PLXDC2: variants seen among roughly 807,000 people sequenced by gnomAD.
PLXDC2 encodes plexin domain-containing protein 2.
Under a neutral mutation model 68.9 loss-of-function variants are expected in PLXDC2, and 40 were observed. The observed-to-expected ratio is 0.58, with a 90% confidence interval of 0.45 to 0.76. PLXDC2 has a LOEUF of 0.76. Among genes scored for constraint, PLXDC2 ranks in the 30% least tolerant of loss-of-function variants. The pLI, the probability that PLXDC2 is intolerant of heterozygous loss-of-function variation, is 0.00. For synonymous variants in PLXDC2, 243 were observed against 234.2 expected (o/e 1.04, Z -0.34); for missense variants, 644 against 661.9 (o/e 0.97, Z 0.30).
chr10:20,210,650 C>T (rs191143792), intron 9 of PLXDC2, among the ~76,000 whole-genome samples: 174 of 152,204 alleles, frequency 1.1e-3, no homozygotes, highest in Middle Eastern at 3.4e-3. Flanking sequence ...TAGAAAGACT[C>T]GCAGAACTCA....
At chr10:20,244,155 A>G (rs1347651209) in intron 12 of PLXDC2, among the ~76,000 whole-genome samples, 1 of 152,148 alleles carries the variant, frequency 6.6e-6, no homozygotes, top group Non-Finnish European at 1.5e-5. Flanking sequence ...AAATTATGTC[A>G]TGATTCAGAA....
At position 20,217,356 on chromosome 10, in the gene PLXDC2, T is replaced by C; in HGVS notation, c.1123-70T>C. The C allele has an allele frequency of 2.9e-6, 4 of 1,402,806 alleles. 1 individual carries two copies. The South Asian group carries it at 4.6e-5, about 16-fold the overall frequency. The allele number at this position is 1,402,806 out of a possible 1,614,324, so 86.9% of individuals were successfully genotyped here. On this transcript the variant is annotated intron_variant, in intron 10 of 13. Coordinates refer to ENST00000377252, the MANE Select transcript of PLXDC2 (RefSeq NM_032812.9). ...GGCTTTTGTGCTTTACAGCCCAGCT[T>C]CTTTGATGTAAGTTCTAAAAATAGA...
At chr10:20,040,952 C>G (rs78072751) in intron 2 of PLXDC2, among the ~76,000 whole-genome samples, 2,696 of 152,242 alleles carry the variant, frequency 0.018, 76 homozygotes, top group African/African-American at 0.061. Flanking sequence ...CAGTTGCCTG[C>G]TATGAAACAT....
chr10:19,910,891 T>C (rs1833258403), intron 1 of PLXDC2, among the ~76,000 whole-genome samples: 1 of 152,008 alleles, frequency 6.6e-6, no homozygotes, highest in Non-Finnish European at 1.5e-5. Context: ...GTGCCTGTAA[T>C]CCCAGTTACT....
At chr10:19,967,509 C>T (rs1051416920) in intron 1 of PLXDC2, among the ~76,000 whole-genome samples, 1 of 151,812 alleles carries the variant, frequency 6.6e-6, no homozygotes, top group Admixed American at 6.6e-5. Flanking sequence ...ACCTAATCTT[C>T]GAACTAGAAA....
At chr10:20,181,767 A>G (rs1312506894) in intron 9 of PLXDC2, among the ~76,000 whole-genome samples, 1 of 152,036 alleles carries the variant, frequency 6.6e-6, no homozygotes, top group East Asian at 1.9e-4. Flanking sequence ...ATGACTCTGT[A>G]AGCTAGGGAG....
chr10:20,173,977 T>C (rs958712663), intron 7 of PLXDC2, among the ~76,000 whole-genome samples: 4 of 152,146 alleles, frequency 2.6e-5, no homozygotes, highest in African/African-American at 9.6e-5. Flanking sequence ...GTAATAGAAC[T>C]AGCATAGCAA....
intron 3 of PLXDC2, among the ~76,000 whole-genome samples, chr10:20,062,469 T>C (rs1836124304): frequency 2.6e-5 from 4 of 151,918 alleles, no homozygotes; most frequent in Admixed American, 2.0e-4. Flanking sequence ...ATTAAAAAGG[T>C]TAAATAATGT....
intron 5 of PLXDC2, among the ~76,000 whole-genome samples, chr10:20,146,518 T>TCCTTCCTTCCTCCCTC (rs1217081598): frequency 2.1e-4 from 24 of 115,696 alleles, no homozygotes; most frequent in South Asian, 1.5e-3. Context: ...CTTCCTTCCT[T>TCCTTCCTTCCTCCCTC]CCTCCCTCCC....
At chr10:20,224,555 G>A (rs1251221837) in intron 12 of PLXDC2, among the ~76,000 whole-genome samples, 1 of 152,160 alleles carries the variant, frequency 6.6e-6, no homozygotes, top group African/African-American at 2.4e-5. Flanking sequence ...ACTGGATAAA[G>A]TTATACCCAG....
At chr10:20,217,230 A>G (rs1056684218) in intron 10 of PLXDC2, among the ~76,000 whole-genome samples, 196 bp from the exon 11 acceptor site, 1 of 152,194 alleles carries the variant, frequency 6.6e-6, no homozygotes, top group Non-Finnish European at 1.5e-5. Context: ...GCCTTGTTCC[A>G]TCCATCTTTT....
At chr10:19,869,465 G>GA (rs1227034209) in intron 1 of PLXDC2, among the ~76,000 whole-genome samples, 1 of 46,512 alleles carries the variant, frequency 2.1e-5, no homozygotes, top group Non-Finnish European at 3.8e-5. Context: ...GAGAGAGAGA[G>GA]AAAGGGGGGG....
At chr10:20,210,866 C>T (rs1306865641) in intron 9 of PLXDC2, among the ~76,000 whole-genome samples, 2 of 152,118 alleles carry the variant, frequency 1.3e-5, no homozygotes, top group African/African-American at 2.4e-5. Context: ...AGGAAGCTCA[C>T]CCAAGCTTGG....
At chr10:20,057,920 A>G (rs939862339) in intron 3 of PLXDC2, among the ~76,000 whole-genome samples, 1 of 135,706 alleles carries the variant, frequency 7.4e-6, no homozygotes, top group African/African-American at 3.3e-5. Flanking sequence ...ACGAATCTGC[A>G]TTAAAAAAAA....
rs183229785 is a variant in PLXDC2 at position 19,923,210 on chromosome 10, T to C, written c.113-78565T>C. 4.6e-5 allele frequency among the ~76,000 whole-genome samples: 7 copies of C among 152,328 alleles called. No homozygotes were observed. The East Asian group carries it at 1.3e-3, about 29-fold the overall frequency. The stretch of plus-strand genomic sequence containing the variant: ...AAAAAGAATGAGGTTTTATGTATTT[T>C]TGAGATTTGCTTTATTGACAATCCA... On this transcript the variant is annotated intron_variant, in intron 1 of 13. Coordinates refer to ENST00000377252, the MANE Select transcript of PLXDC2 (RefSeq NM_032812.9).
intron 1 of PLXDC2, among the ~76,000 whole-genome samples, chr10:19,887,561 C>T (rs930657632): frequency 2.6e-5 from 4 of 151,966 alleles, no homozygotes; most frequent in South Asian, 2.1e-4. Flanking sequence ...AAAAAAACCC[C>T]GAAGACTTGG....
intron 1 of PLXDC2, among the ~76,000 whole-genome samples, chr10:19,827,239 C>A (rs1210709107): frequency 6.6e-6 from 1 of 152,200 alleles, no homozygotes. Context: ...CCATAATTAT[C>A]CTTGTACTGA....
chr10:20,041,967 A>G (rs1165696194), intron 2 of PLXDC2, among the ~76,000 whole-genome samples: 1 of 152,184 alleles, frequency 6.6e-6, no homozygotes, highest in Non-Finnish European at 1.5e-5. Context: ...TTACCTTCCT[A>G]AAGACTGTCT....
intron 1 of PLXDC2, among the ~76,000 whole-genome samples, chr10:19,993,340 C>G (rs1834782339): frequency 6.6e-6 from 1 of 152,088 alleles, no homozygotes; most frequent in Non-Finnish European, 1.5e-5. Flanking sequence ...TATAATGTCT[C>G]TTTACTCTTT....
Sources: allele counts gnomAD v4.1 joint callset (sites outside exome capture counted in the v4.1 genomes callset), GRCh38; gene constraint gnomAD v4.1.1; transcripts MANE v1.5; gene names NCBI Gene and HGNC (gene_info 2026-07-23, HGNC 2026-07-21).